GRID2: variants seen among roughly 807,000 people sequenced by gnomAD.
GRID2 encodes the protein glutamate ionotropic receptor delta type subunit 2.
Under a neutral mutation model 114.8 loss-of-function variants are expected in GRID2, and 33 were observed. The ratio of observed to expected loss-of-function variants is 0.29; its 90% confidence interval spans 0.22 to 0.38. The LOEUF (loss-of-function observed/expected upper bound fraction) is 0.38, where lower values mean the gene tolerates loss of function less well. Among genes scored for constraint, GRID2 ranks in the 10% least tolerant of loss-of-function variants. The probability of loss-of-function intolerance (pLI) is 1.00; values close to 1 mark genes in which losing one functional copy is unlikely to be tolerated. For missense variants in GRID2, 1,184 were observed against 1,257.7 expected, an observed-to-expected ratio of 0.94 and a Z score of 0.89; for synonymous variants, 505 against 449.9, an observed-to-expected ratio of 1.12 and a Z score of -1.55.
rs573385624 is a variant in GRID2, at chr4:92,408,922, T to C, written c.88+104178T>C. ...GAATCATATCATTGAAAAAGACAGA[T>C]TGACTTCTTCTTTTCCTATTTTGAT... On this transcript the variant is annotated intron_variant, in intron 1 of 15. Coordinates refer to ENST00000282020, the MANE Select transcript of GRID2 (RefSeq NM_001510.4). Among the ~76,000 whole-genome samples, 16 of 152,260 alleles carry C rather than the reference T, an allele frequency of 1.1e-4. No homozygotes were observed. The South Asian group carries it at 3.3e-3, about 32-fold the overall frequency.
intron 2 of GRID2, among the ~76,000 whole-genome samples, chr4:93,011,636 T>C (rs189958069): frequency 6.6e-6 from 1 of 152,234 alleles, no homozygotes; most frequent in Non-Finnish European, 1.5e-5. Context: ...ACATATTTCT[T>C]ACCATGTCAC....
intron 1 of GRID2, among the ~76,000 whole-genome samples, chr4:92,473,965 TG>T (rs1553939048): frequency 2.4e-3 from 4 of 1,646 alleles, no homozygotes; most frequent in Admixed American, 0.01. Context: ...TTATCTTGGT[TG>T]TGTGTGTGTG....
chr4:92,998,639 A>G (rs781305567), intron 2 of GRID2, among the ~76,000 whole-genome samples: 2 of 151,400 alleles, frequency 1.3e-5, no homozygotes, highest in Admixed American at 1.3e-4. Context: ...ACAGAATGTT[A>G]TATGTGTATG....
At chr4:92,787,806 G>C (rs1328935818) in intron 2 of GRID2, among the ~76,000 whole-genome samples, 1 of 151,824 alleles carries the variant, frequency 6.6e-6, no homozygotes, top group Non-Finnish European at 1.5e-5. Context: ...ATAAGAGATG[G>C]TGCTGCCTCC....
intron 2 of GRID2, among the ~76,000 whole-genome samples, chr4:92,709,572 G>GAAAAA (rs767320278): frequency 7.4e-4 from 75 of 100,980 alleles, no homozygotes; most frequent in African/African-American, 1.4e-3. Flanking sequence ...ATAGTGTAGA[G>GAAAAA]AAAAAAAAAA....
chr4:93,682,310 G>A (rs1443741757), intron 14 of GRID2, among the ~76,000 whole-genome samples: 4 of 150,304 alleles, frequency 2.7e-5, no homozygotes, highest in Non-Finnish European at 5.9e-5. Flanking sequence ...TGGAGAAATA[G>A]GAACACTTTT....
chr4:93,020,301 T>A (rs1235296220), intron 2 of GRID2, among the ~76,000 whole-genome samples: 1 of 152,208 alleles, frequency 6.6e-6, no homozygotes, highest in East Asian at 1.9e-4. Flanking sequence ...CCTATGAATT[T>A]TTCTTTTCAG....
chr4:92,311,237 T>C (rs983755532), intron 1 of GRID2, among the ~76,000 whole-genome samples: 5 of 152,184 alleles, frequency 3.3e-5, no homozygotes, highest in Admixed American at 1.3e-4. Flanking sequence ...TATTAACATA[T>C]GCTTTATATC....
At chr4:92,779,012 C>A (rs539168674) in intron 2 of GRID2, among the ~76,000 whole-genome samples, 1 of 151,992 alleles carries the variant, frequency 6.6e-6, no homozygotes, top group African/African-American at 2.4e-5. Flanking sequence ...CATTTCAGTT[C>A]ATTCACTGGA....
intron 8 of GRID2, among the ~76,000 whole-genome samples, chr4:93,393,268 C>A (rs1162137445): frequency 6.6e-6 from 1 of 151,782 alleles, no homozygotes; most frequent in Non-Finnish European, 1.5e-5. Flanking sequence ...ATGGAACTTA[C>A]CAATCCTAAA....
chr4:93,328,558 C>T (rs1187108641), intron 8 of GRID2, among the ~76,000 whole-genome samples: 1 of 152,144 alleles, frequency 6.6e-6, no homozygotes, highest in African/African-American at 2.4e-5. Context: ...TTATCACAAT[C>T]TAAAGCTATT....
intron 14 of GRID2, among the ~76,000 whole-genome samples, chr4:93,727,928 A>G (rs1228053931): frequency 3.9e-5 from 6 of 152,114 alleles, no homozygotes; most frequent in Admixed American, 6.5e-5. Context: ...GATCCTTTCA[A>G]AAAACCAGCT....
At chr4:92,690,200 T>A (rs1004315036) in intron 2 of GRID2, among the ~76,000 whole-genome samples, 9 of 143,556 alleles carry the variant, frequency 6.3e-5, no homozygotes, top group Admixed American at 5.6e-4. Context: ...ACTGAAAGTT[T>A]AAAAAAAAAA....
At chr4:93,550,024 G>A (rs1733613521) in intron 13 of GRID2, among the ~76,000 whole-genome samples, 1 of 152,110 alleles carries the variant, frequency 6.6e-6, no homozygotes, top group Non-Finnish European at 1.5e-5. Flanking sequence ...AGAATATAAT[G>A]AGGAAATGAC....
intron 1 of GRID2, among the ~76,000 whole-genome samples, chr4:92,493,127 C>CAAAA (rs1043809824): frequency 4.1e-5 from 2 of 48,456 alleles, no homozygotes; most frequent in African/African-American, 6.7e-5. Context: ...GACTCCATCT[C>CAAAA]AAAAAAAAAA....
chr4:93,042,721 A>G (rs762032740), intron 2 of GRID2, among the ~76,000 whole-genome samples: 11 of 146,486 alleles, frequency 7.5e-5, no homozygotes, highest in Non-Finnish European at 1.4e-4. Flanking sequence ...ATATAGATAT[A>G]TAGAGAGAGA....
intron 7 of GRID2, among the ~76,000 whole-genome samples, chr4:93,234,928 A>C (rs17020271): frequency 6.6e-6 from 1 of 152,016 alleles, no homozygotes; most frequent in African/African-American, 2.4e-5. Flanking sequence ...TTAGACGAGT[A>C]TGATAAATAT....
intron 2 of GRID2, among the ~76,000 whole-genome samples, chr4:93,008,115 T>A (rs1721753492): frequency 6.6e-6 from 1 of 151,144 alleles, no homozygotes; most frequent in Non-Finnish European, 1.5e-5. Flanking sequence ...GTAGCCTAAA[T>A]AACGGAAACA....
At chr4:92,924,091 C>T in intron 2 of GRID2, among the ~76,000 whole-genome samples, 1 of 152,154 alleles carries the variant, frequency 6.6e-6, no homozygotes, top group Non-Finnish European at 1.5e-5. Context: ...AAGTTCGTGT[C>T]CTTTGTAGGG....
Sources: allele counts gnomAD v4.1 joint callset (sites outside exome capture counted in the v4.1 genomes callset), GRCh38; gene constraint gnomAD v4.1.1; transcripts MANE v1.5; gene names NCBI Gene and HGNC (gene_info 2026-07-23, HGNC 2026-07-21).